The following MGRN1 variants were observed in gnomAD, a reference collection of about 807,000 sequenced individuals.
The protein encoded by MGRN1 is mahogunin ring finger 1.
In MGRN1, 29 loss-of-function variants were observed where a neutral mutation model predicts 69.2. That is an observed-to-expected ratio of 0.42 (90% CI 0.31 to 0.57). The LOEUF (loss-of-function observed/expected upper bound fraction) is 0.57, where lower values mean the gene tolerates loss of function less well. MGRN1 is among the 20% of genes least tolerant of loss of function. MGRN1 has a pLI of 0.15. For missense variants in MGRN1, 998 were observed against 796.2 expected, an observed-to-expected ratio of 1.25 and a Z score of -3.05; for synonymous variants, 470 against 344.2, an observed-to-expected ratio of 1.37 and a Z score of -4.04.
At position 4,682,921 on chromosome 16, in the gene MGRN1, C is replaced by A. The variant is rs779081314; in HGVS notation, c.1457C>A (p.Ala486Asp). ...CCCCCACTGGGTGGCGCAGAGCTGG[C>A]CCTGCGGGAAAGCAGCTCCCCTGAG... ...APPPLGGAEL[A>D]LRESSSPESF... is the part of the protein sequence containing the mutation. The change falls in exon 14 of 17, where the codon GCC becomes GAC. Residue 486 changes from alanine (A) to aspartate (D), a missense_variant. Ala to Asp is a moderately radical substitution (Grantham distance 126, BLOSUM62 -2). Transcript: ENST00000262370. 6 of 1,599,416 alleles carry A rather than the reference C, an allele frequency of 3.8e-6. No homozygotes were observed. The African/African-American group carries it at 8.1e-5, about 21-fold the overall frequency.
At chr16:4,676,256 CTG>C (rs1430620356) in intron 10 of MGRN1, among the ~76,000 whole-genome samples, 5 of 152,116 alleles carry the variant, frequency 3.3e-5, no homozygotes, top group African/African-American at 1.2e-4. Flanking sequence ...CCTCTCCTGT[CTG>C]AAAGCCACAG....
At chr16:4,646,941 G>C (rs1297503760) in intron 1 of MGRN1, among the ~76,000 whole-genome samples, 1 of 152,192 alleles carries the variant, frequency 6.6e-6, no homozygotes, top group African/African-American at 2.4e-5. Flanking sequence ...GGACAAGCCC[G>C]CTCCTGAGTG....
intron 1 of MGRN1, among the ~76,000 whole-genome samples, chr16:4,644,372 C>T (rs1035055110): frequency 2.7e-5 from 4 of 148,386 alleles, no homozygotes; most frequent in Non-Finnish European, 4.5e-5. Context: ...GACAGCTGGC[C>T]CAATCTCAGC....
intron 15 of MGRN1, 22 bp downstream of exon 15, chr16:4,683,291 C>T (rs545378269): frequency 6.2e-6 from 10 of 1,613,226 alleles, no homozygotes; most frequent in Non-Finnish European, 8.5e-6. Flanking sequence ...CTTCCATGGG[C>T]ACAAACCGCA....
intron 16 of MGRN1, among the ~76,000 whole-genome samples, chr16:4,685,096 G>A (rs910950036): frequency 2.0e-5 from 3 of 152,262 alleles, no homozygotes; most frequent in South Asian, 2.1e-4. Flanking sequence ...GGCCTGCCCC[G>A]AACAACTCAC....
intron 9 of MGRN1, chr16:4,672,575 G>C: frequency 2.4e-6 from 1 of 409,128 alleles, no homozygotes; most frequent in Non-Finnish European, 4.9e-6. Flanking sequence ...GGTTCAGAGA[G>C]GGAATGTTTT....
chr16:4,664,782 GCGTCCTCTTC>G lies in MGRN1; in HGVS notation c.628+15_628+24del. The G allele has an allele frequency of 6.2e-7, 1 of 1,614,142 alleles. No individual in the cohort carries two copies. Among genetic ancestry groups the G allele is most frequent in the Non-Finnish European group, 8.5e-7 (1 of 1,179,934 alleles). On this transcript the variant is annotated splice_region_variant and intron_variant, in intron 6 of 16. Transcript: ENST00000262370. ...GTGGTGGACGAAGGAGATGGTGAGTGCGTCCTCTTCCGTCCTCCTGGGCGTGCAGGCCGTG... is the reference window on the plus strand; with the variant it reads ...GTGGTGGACGAAGGAGATGGTGAGTGCGTCCTCCTGGGCGTGCAGGCCGTG...
At chr16:4,648,339 T>C (rs111305431) in intron 1 of MGRN1, among the ~76,000 whole-genome samples, 8,187 of 67,424 alleles carry the variant, frequency 0.12, 534 homozygotes, top group Admixed American at 0.23. Flanking sequence ...GCTCCTCCTC[T>C]CGGGGACTCT....
chr16:4,657,738 C>CTTTTTTTTTTTTTTTTTTTTTTTT (rs1157518931), intron 5 of MGRN1, among the ~76,000 whole-genome samples: 1 of 77,050 alleles, frequency 1.3e-5, no homozygotes, highest in Non-Finnish European at 2.5e-5. Flanking sequence ...TGCAGACATC[C>CTTTTTTTTTTTTTTTTTTTTTTTT]TTTTTTTTTT....
chr16:4,685,611 A>G (rs1368289843), intron 16 of MGRN1, among the ~76,000 whole-genome samples: 3 of 152,222 alleles, frequency 2.0e-5, no homozygotes, highest in African/African-American at 4.8e-5. Context: ...CGGAGAGCAC[A>G]TGTGCCTTTG....
At chr16:4,682,121 T>C (rs141238741) in intron 13 of MGRN1, among the ~76,000 whole-genome samples, 2,465 of 152,200 alleles carry the variant, frequency 0.016, 31 homozygotes, top group Non-Finnish European at 0.025. Context: ...CCAGACTTCA[T>C]TGGGGGGCTG....
chr16:4,674,046 G>A (rs1227255235), intron 10 of MGRN1, among the ~76,000 whole-genome samples: 1 of 152,086 alleles, frequency 6.6e-6, no homozygotes, highest in Admixed American at 6.5e-5. Flanking sequence ...GTTCAGTAGC[G>A]AGTTCTCAGC....
At chr16:4,661,806 G>A (rs574834486) in intron 5 of MGRN1, among the ~76,000 whole-genome samples, 9 of 152,382 alleles carry the variant, frequency 5.9e-5, no homozygotes, top group African/African-American at 2.2e-4. Context: ...CTAGGTCCGT[G>A]TGGACTTGGT....
At chr16:4,657,479 T>G (rs2078573217) in intron 5 of MGRN1, 116 bp downstream of exon 5, 1 of 1,006,148 alleles carries the variant, frequency 9.9e-7, no homozygotes, top group South Asian at 1.4e-5. Context: ...TCATAAGACC[T>G]GGGAACGGCC....
chr16:4,668,192 C>G (rs928346407), intron 7 of MGRN1, 73 bp from the exon 8 acceptor site: 27 of 1,395,110 alleles, frequency 1.9e-5, no homozygotes, highest in Admixed American at 2.1e-5. Context: ...GGTGGCCAAC[C>G]CAGGCGGCCA....
intron 11 of MGRN1, among the ~76,000 whole-genome samples, chr16:4,678,516 G>C (rs2079104763): frequency 6.6e-6 from 1 of 151,798 alleles, no homozygotes; most frequent in African/African-American, 2.4e-5. Flanking sequence ...GATAGGAAGA[G>C]ACAGACAGAT....
intron 10 of MGRN1, 84 bp downstream of exon 10, chr16:4,673,741 A>T: frequency 1.3e-6 from 2 of 1,508,998 alleles, no homozygotes; most frequent in Non-Finnish European, 1.8e-6. Context: ...ATAGGGGGCC[A>T]CAGGTCCGTT....
At chr16:4,676,462 GT>G (rs376284477) in intron 10 of MGRN1, among the ~76,000 whole-genome samples, 214 of 152,318 alleles carry the variant, frequency 1.4e-3, no homozygotes, top group African/African-American at 4.9e-3. Context: ...GGTGTGTGGG[GT>G]CAGTGGGTCG....
At chr16:4,678,612 G>T (rs1473145951) in intron 11 of MGRN1, among the ~76,000 whole-genome samples, 1 of 152,198 alleles carries the variant, frequency 6.6e-6, no homozygotes, top group African/African-American at 2.4e-5. Context: ...GGGATGGGTG[G>T]CAGGGGCTGT....
Sources: allele counts gnomAD v4.1 joint callset (sites outside exome capture counted in the v4.1 genomes callset), GRCh38; gene constraint gnomAD v4.1.1; transcripts MANE v1.5; gene names NCBI Gene and HGNC (gene_info 2026-07-23, HGNC 2026-07-21).